NRXN3: variants seen among roughly 807,000 people sequenced by gnomAD.
NRXN3 encodes neurexin III.
In NRXN3, 32 loss-of-function variants were observed where a neutral mutation model predicts 137.6. The ratio of observed to expected loss-of-function variants is 0.23; its 90% CI spans 0.18 to 0.31. NRXN3 has a LOEUF of 0.31. Among genes scored for constraint, NRXN3 ranks in the 10% least tolerant of loss-of-function variants. The pLI is 1.00. For missense variants in NRXN3, 1,574 were observed against 2,062.5 expected (o/e 0.76, Z 4.59); for synonymous variants, 798 against 784.5 (o/e 1.02, Z -0.29).
intron 19 of NRXN3, among the ~76,000 whole-genome samples, chr14:79,784,614 CTT>C (rs540234381): frequency 0.036 from 2,789 of 76,578 alleles, 78 homozygotes; most frequent in African/African-American, 0.11. Flanking sequence ...TGTTGTGTTG[CTT>C]TTTTTTTTTT....
In NRXN3 at chr14:79,474,996, G is replaced by A. The variant is rs369933527; in HGVS notation, c.3444+7594G>A. 1.4e-3 allele frequency among the ~76,000 whole-genome samples: 206 copies of A among 152,222 alleles called. 3 individuals are homozygous for A. The highest frequency in any genetic ancestry group is 4.3e-3 in the African/African-American group (180 of 41,572). On this transcript the variant is annotated intron_variant, in intron 16 of 20. Coordinates refer to ENST00000335750, the MANE Select transcript of NRXN3 (RefSeq NM_001330195.2). Reference sequence around the variant, plus strand: ...GGTTTTAGACTCTCCTTGGGTACCAGATAAAGTCACAAAGAGCTTGGTCGT... The same window carrying A: ...GGTTTTAGACTCTCCTTGGGTACCAAATAAAGTCACAAAGAGCTTGGTCGT...
chr14:79,496,601 C>T (rs144137015), intron 16 of NRXN3, among the ~76,000 whole-genome samples: 2 of 152,188 alleles, frequency 1.3e-5, no homozygotes, highest in Admixed American at 1.3e-4. Flanking sequence ...CTGGGTGATA[C>T]AGCCTTTGCT....
chr14:79,196,657 A>T (rs973190152), intron 15 of NRXN3, among the ~76,000 whole-genome samples: 3 of 152,074 alleles, frequency 2.0e-5, no homozygotes, highest in African/African-American at 7.3e-5. Flanking sequence ...ATAGATATAG[A>T]TATAGATTTT....
chr14:79,189,851 C>T (rs1299159674), intron 15 of NRXN3, among the ~76,000 whole-genome samples: 6 of 152,110 alleles, frequency 3.9e-5, no homozygotes, highest in East Asian at 3.9e-4. Flanking sequence ...ACATATTTAT[C>T]GATTCATCAG....
intron 5 of NRXN3, among the ~76,000 whole-genome samples, chr14:78,649,097 C>T (rs1202639154): frequency 6.6e-6 from 1 of 152,060 alleles, no homozygotes; most frequent in Non-Finnish European, 1.5e-5. Context: ...TTTTCTGTGT[C>T]GGGTGCCTTT....
chr14:78,482,996 G>A (rs2095499091), intron 4 of NRXN3, among the ~76,000 whole-genome samples: 1 of 152,062 alleles, frequency 6.6e-6, no homozygotes, highest in African/African-American at 2.4e-5. Flanking sequence ...TCCATCCCCA[G>A]CATCTGAGAA....
chr14:78,781,201 A>G (rs1264426840), intron 8 of NRXN3, among the ~76,000 whole-genome samples: 3 of 152,194 alleles, frequency 2.0e-5, no homozygotes, highest in Non-Finnish European at 4.4e-5. Flanking sequence ...AAGCTTGTAA[A>G]CATTTAAAAT....
chr14:78,660,163 A>G (rs1330337231), intron 6 of NRXN3, among the ~76,000 whole-genome samples: 2 of 152,016 alleles, frequency 1.3e-5, no homozygotes, highest in South Asian at 4.1e-4. Flanking sequence ...TGTGACAGAC[A>G]GAGAGTAGTT....
chr14:78,994,467 C>G (rs2099525766), intron 15 of NRXN3, among the ~76,000 whole-genome samples: 1 of 152,144 alleles, frequency 6.6e-6, no homozygotes, highest in Admixed American at 6.5e-5. Context: ...AGAAACTCCC[C>G]TATGTTGAAA....
chr14:79,778,879 A>G (rs1266430671), intron 19 of NRXN3, among the ~76,000 whole-genome samples: 1 of 152,194 alleles, frequency 6.6e-6, no homozygotes, highest in Non-Finnish European at 1.5e-5. Context: ...TCACTGTAAT[A>G]TAGTGGTGAA....
chr14:78,773,771 A>G (rs1191802343), intron 8 of NRXN3, among the ~76,000 whole-genome samples: 1 of 151,960 alleles, frequency 6.6e-6, no homozygotes, highest in African/African-American at 2.4e-5. Context: ...AATTTTAATA[A>G]TTCCTATACT....
At chr14:78,233,582 A>G (rs533494316) in intron 1 of NRXN3, among the ~76,000 whole-genome samples, 2 of 152,180 alleles carry the variant, frequency 1.3e-5, no homozygotes, top group African/African-American at 4.8e-5. Flanking sequence ...TGCTTCTAAG[A>G]TAAAGACATA....
At chr14:78,203,898 TA>T (rs1408222003) in intron 1 of NRXN3, among the ~76,000 whole-genome samples, 2 of 151,668 alleles carry the variant, frequency 1.3e-5, no homozygotes, top group Admixed American at 6.6e-5. Flanking sequence ...TTAGATTGTA[TA>T]CACTTCTTTT....
chr14:78,372,303 T>C (rs1426267148), intron 4 of NRXN3, among the ~76,000 whole-genome samples: 1 of 151,618 alleles, frequency 6.6e-6, no homozygotes, highest in Non-Finnish European at 1.5e-5. Flanking sequence ...CTTTTTTTTT[T>C]TAATTTTATT....
At chr14:78,230,290 C>G (rs1293321021) in intron 1 of NRXN3, among the ~76,000 whole-genome samples, 1 of 151,878 alleles carries the variant, frequency 6.6e-6, no homozygotes, top group Admixed American at 6.6e-5. Context: ...CTCCTAGATC[C>G]CTTCTAGCCA....
chr14:79,087,191 T>C (rs987022020), intron 15 of NRXN3, among the ~76,000 whole-genome samples: 1 of 152,096 alleles, frequency 6.6e-6, no homozygotes, highest in Non-Finnish European at 1.5e-5. Flanking sequence ...CAAGCGGACG[T>C]GGTTAGGAGG....
At chr14:78,490,894 T>G (rs771149720) in intron 4 of NRXN3, among the ~76,000 whole-genome samples, 6 of 152,288 alleles carry the variant, frequency 3.9e-5, no homozygotes, top group Non-Finnish European at 8.8e-5. Context: ...TTTCTGTCCA[T>G]AGCTGACCCA....
At chr14:79,016,343 G>T (rs1362890510) in intron 15 of NRXN3, among the ~76,000 whole-genome samples, 1 of 152,266 alleles carries the variant, frequency 6.6e-6, no homozygotes, top group East Asian at 1.9e-4. Flanking sequence ...CCCTTTTTAT[G>T]CAGAAATGCC....
At chr14:78,275,500 A>G (rs1232022271) in intron 2 of NRXN3, among the ~76,000 whole-genome samples, 1 of 152,208 alleles carries the variant, frequency 6.6e-6, no homozygotes, top group African/African-American at 2.4e-5. Context: ...CCTTATTAAG[A>G]AAAGCTGTTT....
Sources: allele counts gnomAD v4.1 joint callset (sites outside exome capture counted in the v4.1 genomes callset), GRCh38; gene constraint gnomAD v4.1.1; transcripts MANE v1.5; gene names NCBI Gene and HGNC (gene_info 2026-07-23, HGNC 2026-07-21).